RRN3: variants seen among roughly 807,000 people sequenced by gnomAD.
RRN3 encodes the protein RNA polymerase I-specific transcription initiation factor RRN3.
Under a neutral mutation model 82.3 loss-of-function variants are expected in RRN3, and 38 were observed. The ratio of observed to expected loss-of-function variants is 0.46; its 90% CI spans 0.36 to 0.61. The LOEUF (loss-of-function observed/expected upper bound fraction) is 0.61. RRN3 is among the 20% of genes least tolerant of loss of function. The pLI is 0.00. For missense variants in RRN3, 726 were observed against 793.1 expected (o/e 0.92, Z 1.02); for synonymous variants, 284 against 284.3 (o/e 1.00, Z 0.01).
rs1402116270 is a variant in RRN3, at chr16:15,084,694, T to C, written c.544A>G (p.Asn182Asp). The C allele has an allele frequency of 6.2e-7, 1 of 1,612,936 alleles. No homozygotes were observed. The highest frequency in any genetic ancestry group is 8.5e-7 in the Non-Finnish European group (1 of 1,178,978). The change falls in exon 7 of 18, where the codon AAT (asparagine) becomes GAT (aspartate). Residue 182 changes from asparagine (N) to aspartate (D), a missense_variant. Transcript: ENST00000198767. ...AAGGCTCTGTGACATGTGTCAAAAT[T>C]TGCAGGAAGATCTGAAAGGAGAAAA... ...SDDEDDNLPA[N>D]FDTCHRALQI...
chr16:15,086,087 A>T (rs748890323), intron 5 of RRN3, 42 bp downstream of exon 5: 2 of 1,565,444 alleles, frequency 1.3e-6, no homozygotes, highest in South Asian at 2.3e-5. Context: ...ATTTTAATAA[A>T]GAAGTATTAA....
intron 16 of RRN3, among the ~76,000 whole-genome samples, chr16:15,064,943 G>T (rs1459159931): frequency 1.3e-5 from 2 of 152,194 alleles, no homozygotes; most frequent in Non-Finnish European, 2.9e-5. Context: ...GAGGCGGGCG[G>T]ATCACGAGGT....
chr16:15,065,260 C>A lies in RRN3; in HGVS notation c.1665G>T (p.Pro555=). ...GGDSVQICTN[P]LDTFFPFDPC... ...GATCAAAGGGGAAGAAGGTGTCCAG[C>A]GGGTTTGTGCAGATCTGCACTGAGT... The change falls in exon 16 of 18, where the codon CCG becomes CCT. Residue 555 remains proline (P), a synonymous_variant. Coordinates refer to ENST00000198767, the MANE Select transcript of RRN3 (RefSeq NM_018427.5). 6.2e-7 allele frequency: 1 copy of A among 1,613,708 alleles called. No individual in the cohort carries two copies. The highest frequency in any genetic ancestry group is 1.3e-5 in the African/African-American group (1 of 74,974).
chr16:15,081,809 T>C (rs2045715566), intron 8 of RRN3, among the ~76,000 whole-genome samples: 1 of 152,244 alleles, frequency 6.6e-6, no homozygotes, highest in African/African-American at 2.4e-5. Context: ...TTACTCTTCA[T>C]GTAGGGCTTT....
chr16:15,067,682 G>C (rs1226126291), intron 15 of RRN3, among the ~76,000 whole-genome samples: 2 of 151,806 alleles, frequency 1.3e-5, no homozygotes, highest in African/African-American at 4.8e-5. Flanking sequence ...CTTTGGATAA[G>C]AAGTAGTAGT....
chr16:15,068,329 G>C (rs1340368701), intron 14 of RRN3, 52 bp from the exon 15 acceptor site: 1 of 1,529,012 alleles, frequency 6.5e-7, no homozygotes. Context: ...TAAGTGAAAA[G>C]TGTAAGATAC....
At chr16:15,083,732 T>G (rs1367357810) in intron 7 of RRN3, 150 bp from the exon 8 acceptor site, 1 of 1,131,250 alleles carries the variant, frequency 8.8e-7, no homozygotes, top group African/African-American at 1.6e-5. Flanking sequence ...TTTTTGTTTT[T>G]TGAGACGGAG....
chr16:15,070,139 C>A lies in RRN3; in HGVS notation c.1375G>T (p.Ala459Ser), dbSNP rs749216406. Residue 459 changes from alanine (A) to serine (S), a missense_variant, in exon 14 of 18, where the codon GCC (alanine) becomes TCC (serine). Ala to Ser is a moderately conservative substitution (Grantham distance 99). This residue lies in a region of RRN3 where 81 missense variants were observed against 156.4 expected (regional missense o/e 0.52). Coordinates refer to ENST00000198767, the MANE Select transcript of RRN3 (RefSeq NM_018427.5). The stretch of plus-strand genomic sequence containing the variant: ...AAGGTGTAGAACACAGCTTGGCAGG[C>A]TGAGTAAAATGGTCCATGGAGAGCA... ...DVALHGPFYS[A>S]CQAVFYTFVF... 2 of 1,606,112 alleles carry A rather than the reference C, an allele frequency of 1.2e-6. No individual in the cohort carries two copies. The highest frequency in any genetic ancestry group is 2.2e-5 in the South Asian group (2 of 90,620).
At position 15,068,165 on chromosome 16, in the gene RRN3, T is replaced by G. The variant is rs759068836; in HGVS notation, c.1553+4A>C. ...CTCCCATCAAGAAAGCGTAAATAAC[T>G]TACTTTGTGATTGCAGCAAAAAAGT... is the stretch of plus-strand genomic sequence containing the variant. On this transcript the variant is annotated splice_donor_region_variant and intron_variant, in intron 15 of 17. Coordinates refer to ENST00000198767, the MANE Select transcript of RRN3 (RefSeq NM_018427.5). The G allele has an allele frequency of 1.3e-6, 2 of 1,550,014 alleles. No individual in the cohort carries two copies. Among genetic ancestry groups the G allele is most frequent in the East Asian group, 4.6e-5 (2 of 43,424 alleles).
rs189428099 is a variant in RRN3 at position 15,089,629 on chromosome 16, C to T, written c.252+1686G>A. 4.9e-3 allele frequency among the ~76,000 whole-genome samples: 744 copies of T among 150,770 alleles called. 7 individuals are homozygous for T. The highest frequency in any genetic ancestry group is 0.012 in the African/African-American group (507 of 41,050). ...TCCTGGCTAACATGGTGAAACCCCA[C>T]CTCTACTAAAAATACAAAAAATTAG... is the stretch of plus-strand genomic sequence containing the variant. On this transcript the variant is annotated intron_variant, in intron 3 of 17. Coordinates refer to ENST00000198767, the MANE Select transcript of RRN3 (RefSeq NM_018427.5).
At chr16:15,072,204 C>G (rs562925184) in intron 12 of RRN3, among the ~76,000 whole-genome samples, 1 of 148,132 alleles carries the variant, frequency 6.8e-6, no homozygotes, top group African/African-American at 2.5e-5. Context: ...GCCACAAAAT[C>G]GTTGCAGAGA....
At chr16:15,063,086 C>G in intron 17 of RRN3, 110 bp downstream of exon 17, 1 of 833,558 alleles carries the variant, frequency 1.2e-6, no homozygotes, top group Non-Finnish European at 2.1e-6. Flanking sequence ...GGCCTTGACC[C>G]CCTAAAGTGC....
In RRN3 at chr16:15,072,986, T is replaced by C. The variant is rs1488224030; in HGVS notation, c.1092A>G (p.Val364=). 2 of 1,613,784 alleles carry C rather than the reference T, an allele frequency of 1.2e-6. No homozygotes were observed. The highest frequency in any genetic ancestry group is 1.7e-5 in the Admixed American group (1 of 59,950). ...LLLPTHASCH[V]QFFMFYLCSF... ...TACAGAGGTAAAACATGAAAAACTG[T>C]ACATGGCAGGAGGCATGGGTGGGCA... Residue 364 remains valine (V), a synonymous_variant, in exon 12 of 18, where the codon GTA becomes GTG. Transcript: ENST00000198767.
chr16:15,080,180 C>G, intron 8 of RRN3, 84 bp from the exon 9 acceptor site: 1 of 1,466,388 alleles, frequency 6.8e-7, no homozygotes, highest in Non-Finnish European at 9.0e-7. Context: ...ATTACATGAC[C>G]TTTAGTTTCA....
At chr16:15,074,973 G>C in intron 10 of RRN3, 112 bp from the exon 11 acceptor site, 1 of 1,130,062 alleles carries the variant, frequency 8.8e-7, no homozygotes, top group Non-Finnish European at 1.2e-6. Flanking sequence ...AAAGAGGCTG[G>C]GGAAAGCGGC....
chr16:15,068,065 A>C (rs1290645006), intron 15 of RRN3, 104 bp downstream of exon 15: 1 of 1,336,768 alleles, frequency 7.5e-7, no homozygotes, highest in Non-Finnish European at 1.0e-6. Flanking sequence ...CTGGCCTTTT[A>C]TAATGTTACT....
chr16:15,091,447 C>T, intron 2 of RRN3, 76 bp from the exon 3 acceptor site: 2 of 922,696 alleles, frequency 2.2e-6, no homozygotes, highest in African/African-American at 1.7e-5. Context: ...TTTAACCGTA[C>T]TTTAACATCA....
intron 12 of RRN3, among the ~76,000 whole-genome samples, chr16:15,072,239 C>T (rs1455519013): frequency 2.2e-4 from 20 of 91,400 alleles, no homozygotes; most frequent in Non-Finnish European, 4.9e-4. Context: ...ACATTCTTTC[C>T]CCCACCAAAA....
At chr16:15,071,712 G>A (rs1486832610) in intron 12 of RRN3, among the ~76,000 whole-genome samples, 1 of 152,202 alleles carries the variant, frequency 6.6e-6, no homozygotes, top group Non-Finnish European at 1.5e-5. Context: ...AGGTTGCAGT[G>A]AGCTGAGATC....
Sources: allele counts gnomAD v4.1 joint callset (sites outside exome capture counted in the v4.1 genomes callset), GRCh38; gene constraint gnomAD v4.1.1; regional missense constraint gnomAD v4.1.1; transcripts MANE v1.5; gene names NCBI Gene and HGNC (gene_info 2026-07-23, HGNC 2026-07-21).